The following RAD51B variants were observed in gnomAD, a reference collection of about 807,000 sequenced individuals.
The protein encoded by RAD51B is DNA repair protein RAD51 homolog 2.
Under a neutral mutation model 42.2 loss-of-function variants are expected in RAD51B, and 38 were observed. The observed-to-expected ratio is 0.90, with a 90% CI of 0.70 to 1.18. The LOEUF is 1.18. RAD51B is among the 50% of genes most tolerant of loss of function. The pLI, the probability that RAD51B is intolerant of heterozygous loss-of-function variation, is 0.00. For missense variants in RAD51B, 373 were observed against 400.7 expected, an observed-to-expected ratio of 0.93 and a Z score of 0.59; for synonymous variants, 154 against 145.2, an observed-to-expected ratio of 1.06 and a Z score of -0.43.
chr14:68,479,567 C>T (rs1331644172), downstream of RAD51B, among the ~76,000 whole-genome samples: 2 of 152,058 alleles, frequency 1.3e-5, no homozygotes, highest in African/African-American at 4.8e-5. Flanking sequence ...CTCTTTAGTC[C>T]TCCAATCATA....
At chr14:68,569,985 A>C (rs1889614317) in intron 10 of RAD51B, among the ~76,000 whole-genome samples, 1 of 152,200 alleles carries the variant, frequency 6.6e-6, no homozygotes, top group Non-Finnish European at 1.5e-5. Context: ...GACAGGTTTC[A>C]CCTTCTTTGT....
At chr14:68,581,917 C>A (rs1010635148) in intron 10 of RAD51B, among the ~76,000 whole-genome samples, 1 of 152,168 alleles carries the variant, frequency 6.6e-6, no homozygotes, top group Non-Finnish European at 1.5e-5. Flanking sequence ...AAAGGATTCC[C>A]TATTTAATAA....
At chr14:68,237,989 T>A (rs2080301226) in intron 7 of RAD51B, among the ~76,000 whole-genome samples, 1 of 152,114 alleles carries the variant, frequency 6.6e-6, no homozygotes, top group Non-Finnish European at 1.5e-5. Context: ...CACCTCGGCC[T>A]CCCAAAGTGC....
chr14:68,204,785 T>C (rs1222304405), intron 7 of RAD51B, among the ~76,000 whole-genome samples: 1 of 152,230 alleles, frequency 6.6e-6, no homozygotes, highest in Non-Finnish European at 1.5e-5. Context: ...TTATTTGTGC[T>C]CTTTATAAGA....
intron 7 of RAD51B, among the ~76,000 whole-genome samples, chr14:68,122,419 C>T (rs1236081782): frequency 6.6e-6 from 1 of 152,040 alleles, no homozygotes; most frequent in Non-Finnish European, 1.5e-5. Flanking sequence ...AAGGACAGAT[C>T]ACAGAAAAGT....
chr14:68,670,097 C>T (rs1321099883), intron 11 of RAD51B, among the ~76,000 whole-genome samples: 1 of 152,174 alleles, frequency 6.6e-6, no homozygotes, highest in Non-Finnish European at 1.5e-5. Context: ...AGAACCGTCC[C>T]GATGACTTTA....
intron 10 of RAD51B, among the ~76,000 whole-genome samples, chr14:68,511,509 T>C (rs1419939296): frequency 6.6e-6 from 1 of 152,236 alleles, no homozygotes; most frequent in Non-Finnish European, 1.5e-5. Context: ...CTTTACTTCC[T>C]ATTTTGATGA....
chr14:68,373,993 T>C (rs1221989917), intron 8 of RAD51B, among the ~76,000 whole-genome samples: 1 of 152,226 alleles, frequency 6.6e-6, no homozygotes, highest in Admixed American at 6.5e-5. Flanking sequence ...CCGACATTTA[T>C]TGGGCACCTT....
rs2040914239 is a variant in RAD51B at position 67,828,579 on chromosome 14, C to T, written c.198+3002C>T. The stretch of plus-strand genomic sequence containing the variant: ...GTGCCTATGTTCTGAATGGTATTGC[C>T]TAGATTTTCTTCAAGGTTTTGTTTT... On this transcript the variant is annotated intron_variant, in intron 3 of 10. Transcript: ENST00000471583. Among the ~76,000 whole-genome samples the T allele has an allele frequency of 2.6e-5, 4 of 152,102 alleles. 1 individual carries two copies. The East Asian group carries it at 5.8e-4, about 22-fold the overall frequency.
chr14:68,266,095 T>G (rs894879003), intron 7 of RAD51B, among the ~76,000 whole-genome samples: 1 of 152,226 alleles, frequency 6.6e-6, no homozygotes, highest in Non-Finnish European at 1.5e-5. Flanking sequence ...TTTGCACTGT[T>G]GGGGGTAGGC....
At chr14:68,127,604 AAC>A (rs1158570155) in intron 7 of RAD51B, among the ~76,000 whole-genome samples, 11,627 of 133,346 alleles carry the variant, frequency 0.087, 385 homozygotes, top group Admixed American at 0.12. Context: ...TGTACATTGT[AAC>A]ACACACACAC....
At chr14:68,147,474 G>A (rs1024057224) in intron 7 of RAD51B, among the ~76,000 whole-genome samples, 4 of 152,002 alleles carry the variant, frequency 2.6e-5, no homozygotes, top group African/African-American at 9.7e-5. Flanking sequence ...AGCTCTTCAT[G>A]GACCTAATAA....
intron 7 of RAD51B, among the ~76,000 whole-genome samples, chr14:67,981,315 A>G (rs898078119): frequency 6.6e-6 from 1 of 152,212 alleles, no homozygotes; most frequent in African/African-American, 2.4e-5. Context: ...AACCATATGA[A>G]ATGTTGGTGA....
chr14:68,088,607 T>TGC (rs1409897732), intron 7 of RAD51B, among the ~76,000 whole-genome samples: 1 of 141,152 alleles, frequency 7.1e-6, no homozygotes, highest in Non-Finnish European at 1.5e-5. Flanking sequence ...TGTGTGTGTG[T>TGC]GCGCGTGTGT....
intron 8 of RAD51B, among the ~76,000 whole-genome samples, chr14:68,338,387 C>T (rs953983438): frequency 4.6e-5 from 7 of 152,316 alleles, no homozygotes; most frequent in East Asian, 1.9e-4. Flanking sequence ...TAGCCACTTT[C>T]GCTGCTGCTG....
Position 67,893,516 on chromosome 14 carries a change from A to AACAAC in RAD51B, c.756+6313_756+6314insCAACA, listed in dbSNP as rs1555411764. On this transcript the variant is annotated intron_variant, in intron 7 of 10. Coordinates refer to ENST00000471583, the MANE Select transcript of RAD51B (RefSeq NM_133510.4). ...CACACACACACACACACACAAAAAA[A>AACAAC]AACAATTAGCTGGGTGTGGTGCTAC... Among the ~76,000 whole-genome samples, 73 of 102,872 alleles carry AACAAC rather than the reference A, an allele frequency of 7.1e-4. 6 individuals carry two copies. Among genetic ancestry groups the AACAAC allele is most frequent in the Middle Eastern group, 5.7e-3 (1 of 176 alleles). 67.5% of individuals were successfully genotyped at this position (102,872 alleles called of 152,430 possible). A position where few individuals can be genotyped will look rare whatever the true frequency, so the allele number is the denominator to read the frequency against.
chr14:68,481,281 C>T (rs1053523322), downstream of RAD51B, among the ~76,000 whole-genome samples: 3 of 119,970 alleles, frequency 2.5e-5, no homozygotes, highest in African/African-American at 3.6e-5. Flanking sequence ...TTGTCTGCCA[C>T]GAAAAAAAAA....
chr14:67,828,238 C>T (rs2040900603), intron 3 of RAD51B, among the ~76,000 whole-genome samples: 1 of 151,900 alleles, frequency 6.6e-6, no homozygotes, highest in Non-Finnish European at 1.5e-5. Flanking sequence ...CTCTAATGAT[C>T]AGTGATGTTG....
At chr14:68,198,286 G>A (rs2079414818) in intron 7 of RAD51B, among the ~76,000 whole-genome samples, 1 of 151,978 alleles carries the variant, frequency 6.6e-6, no homozygotes, top group Non-Finnish European at 1.5e-5. Context: ...TCTCCATTTC[G>A]TTCCACAGCA....
Sources: gnomAD v4.1 joint callset for allele counts (sites outside exome capture counted in the v4.1 genomes callset) on GRCh38, gnomAD v4.1.1 for gene constraint, MANE v1.5 for transcripts, NCBI Gene and HGNC (gene_info 2026-07-23, HGNC 2026-07-21) for gene names.